The following TRIO variants were observed in gnomAD, a reference collection of about 807,000 sequenced individuals.
The protein encoded by TRIO is trio Rho guanine nucleotide exchange factor.
In TRIO, 58 loss-of-function variants were observed where a neutral mutation model predicts 351.9. That is an observed-to-expected ratio of 0.16 (90% CI 0.13 to 0.21). The LOEUF (loss-of-function observed/expected upper bound fraction) is 0.21. Ranked by LOEUF, TRIO falls within the 10% of genes least tolerant of loss-of-function variation. TRIO has a pLI of 1.00. For synonymous variants in TRIO, 1,758 were observed against 1,595.7 expected, an observed-to-expected ratio of 1.10 and a Z score of -2.42; for missense variants, 3,201 against 4,027.8, an observed-to-expected ratio of 0.79 and a Z score of 5.56.
chr5:14,396,933 A>G, intron 28 of TRIO, 110 bp from the exon 29 acceptor site: 4 of 842,866 alleles, frequency 4.7e-6, no homozygotes, highest in Non-Finnish European at 7.4e-6. Context: ...AGTTGACCAC[A>G]TTCTGTTTTT....
intron 34 of TRIO, among the ~76,000 whole-genome samples, chr5:14,445,949 A>G (rs1213766488): frequency 6.6e-6 from 1 of 152,222 alleles, no homozygotes; most frequent in Non-Finnish European, 1.5e-5. Flanking sequence ...AGCCCCACGC[A>G]GGGGCGGTCT....
At chr5:14,317,844 A>G (rs1297167845) in intron 9 of TRIO, among the ~76,000 whole-genome samples, 1 of 151,236 alleles carries the variant, frequency 6.6e-6, no homozygotes, top group Non-Finnish European at 1.5e-5. Context: ...TACAAAAATC[A>G]GGCCAGGCGA....
chr5:14,251,918 A>G (rs1171057456), intron 1 of TRIO, among the ~76,000 whole-genome samples: 1 of 151,318 alleles, frequency 6.6e-6, no homozygotes, highest in Non-Finnish European at 1.5e-5. Flanking sequence ...CATTTGACCA[A>G]CTTTTGAAAT....
intron 1 of TRIO, among the ~76,000 whole-genome samples, chr5:14,250,229 C>G (rs917983472): frequency 6.6e-6 from 1 of 152,198 alleles, no homozygotes; most frequent in African/African-American, 2.4e-5. Flanking sequence ...CTGCCGGCCA[C>G]GTGGCCAGCA....
At chr5:14,362,090 G>C (rs1256841078) in intron 13 of TRIO, among the ~76,000 whole-genome samples, 1 of 152,174 alleles carries the variant, frequency 6.6e-6, no homozygotes, top group African/African-American at 2.4e-5. Flanking sequence ...CTCCAGCCTG[G>C]GTGACAAGAG....
At position 14,474,003 on chromosome 5, in the gene TRIO, G is replaced by T. The variant is rs114451941; in HGVS notation, c.5989G>T (p.Ala1997Ser). The T allele has an allele frequency of 6.2e-6, 10 of 1,612,736 alleles. 1 individual carries two copies. In the East Asian group the frequency reaches 2.2e-4, roughly 36 times the overall value. ...DLGYVVEGYM[A>S]LMKEDGVPDD... ...AACTGTTTAATTGTAGGGCTACATG[G>T]CACTTATGAAAGAAGATGGTGTTCC... Residue 1997 changes from alanine (A) to serine (S), a missense_variant, in exon 40 of 57, where the codon GCA (alanine) becomes TCA (serine). Ala to Ser is a moderately conservative substitution (Grantham distance 99, BLOSUM62 1). This residue lies in a region of TRIO where 307 missense variants were observed against 396.5 expected (regional missense o/e 0.77). Transcript: ENST00000344204.
Position 14,507,664 on chromosome 5 carries a change from GC to G in TRIO, c.8752-215del, listed in dbSNP as rs199935795. Among the ~76,000 whole-genome samples the G allele has an allele frequency of 1.7e-3, 261 of 152,254 alleles. 7 individuals are homozygous for G. The East Asian group carries it at 0.046, about 27-fold the overall frequency. On this transcript the variant is annotated intron_variant, in intron 56 of 56. Coordinates refer to ENST00000344204, the MANE Select transcript of TRIO (RefSeq NM_007118.4). ...CTTGGCACTTAGATCTCCAAAGAGAGCTGCCCTGTGTGGATCTGGGTCCCAG... is the reference window on the plus strand; with the variant it reads ...CTTGGCACTTAGATCTCCAAAGAGAGTGCCCTGTGTGGATCTGGGTCCCAG...
At chr5:14,250,501 C>T (rs929656267) in intron 1 of TRIO, among the ~76,000 whole-genome samples, 21 of 152,160 alleles carry the variant, frequency 1.4e-4, no homozygotes, top group Non-Finnish European at 2.6e-4. Context: ...TCTCCGTATG[C>T]CCACAAATTA....
chr5:14,503,619 C>T (rs1303374855), intron 54 of TRIO, among the ~76,000 whole-genome samples: 1 of 152,368 alleles, frequency 6.6e-6, no homozygotes, highest in Admixed American at 6.5e-5. Context: ...GCAGGAGCGT[C>T]AAGGCCTCTG....
intron 1 of TRIO, among the ~76,000 whole-genome samples, chr5:14,251,875 G>C (rs1794765101): frequency 6.6e-6 from 1 of 151,988 alleles, no homozygotes; most frequent in Admixed American, 6.5e-5. Context: ...CAACCTGAGA[G>C]GAGGCTGAGG....
At chr5:14,254,948 A>G (rs572430550) in intron 1 of TRIO, among the ~76,000 whole-genome samples, 1 of 152,314 alleles carries the variant, frequency 6.6e-6, no homozygotes, top group African/African-American at 2.4e-5. Context: ...ACATAAATAG[A>G]AAGGGAAACA....
At chr5:14,339,916 T>TA (rs150910554) in intron 11 of TRIO, among the ~76,000 whole-genome samples, 1 of 152,218 alleles carries the variant, frequency 6.6e-6, no homozygotes, top group Non-Finnish European at 1.5e-5. Flanking sequence ...TTAATTAGTT[T>TA]AAAATGAAAA....
chr5:14,261,879 A>G (rs1795368044), intron 1 of TRIO, among the ~76,000 whole-genome samples: 1 of 152,242 alleles, frequency 6.6e-6, no homozygotes, highest in Admixed American at 6.5e-5. Context: ...TTATATGTAA[A>G]TGTGATTTTA....
At chr5:14,198,943 A>C (rs934966045) in intron 1 of TRIO, among the ~76,000 whole-genome samples, 11 of 152,212 alleles carry the variant, frequency 7.2e-5, no homozygotes, top group Admixed American at 5.2e-4. Context: ...TCTTATCTTA[A>C]AAGTACCTCT....
intron 1 of TRIO, among the ~76,000 whole-genome samples, chr5:14,269,876 A>G (rs376099292): frequency 1.4e-3 from 206 of 152,254 alleles, no homozygotes; most frequent in African/African-American, 4.8e-3. Flanking sequence ...GGGGTGGGGA[A>G]GTGGTGTTTT....
intron 9 of TRIO, among the ~76,000 whole-genome samples, chr5:14,319,784 G>C (rs1739705339): frequency 6.6e-6 from 1 of 152,192 alleles, no homozygotes; most frequent in Non-Finnish European, 1.5e-5. Flanking sequence ...ATGTCTATTA[G>C]TGGGCCCTGA....
intron 11 of TRIO, among the ~76,000 whole-genome samples, chr5:14,343,770 G>A (rs553390037): frequency 1.1e-4 from 16 of 152,274 alleles, no homozygotes; most frequent in African/African-American, 3.9e-4. Context: ...CATTTCTTTG[G>A]AACAAATGCC....
chr5:14,413,574 G>A (rs957608226), intron 33 of TRIO, among the ~76,000 whole-genome samples: 2 of 152,190 alleles, frequency 1.3e-5, no homozygotes, highest in African/African-American at 4.8e-5. Context: ...GTTTTTCTAA[G>A]TGATGTGGCT....
intron 1 of TRIO, among the ~76,000 whole-genome samples, chr5:14,238,517 C>G (rs961040212): frequency 6.6e-6 from 1 of 152,178 alleles, no homozygotes; most frequent in Non-Finnish European, 1.5e-5. Flanking sequence ...CACCACCTGT[C>G]ATGGATTCCT....
Sources: gnomAD v4.1 joint callset for allele counts (sites outside exome capture counted in the v4.1 genomes callset) on GRCh38, gnomAD v4.1.1 for gene constraint, gnomAD v4.1.1 regional missense constraint, MANE v1.5 for transcripts, NCBI Gene and HGNC (gene_info 2026-07-23, HGNC 2026-07-21) for gene names.